Variants in NRXN1 observed in about 807,000 individuals in gnomAD.
NRXN1 encodes the protein neurexin 1, also known as neurexin-1.
In NRXN1, 39 loss-of-function variants were observed where a neutral mutation model predicts 150.9. That is an observed-to-expected ratio of 0.26 (90% confidence interval 0.20 to 0.34). The LOEUF (loss-of-function observed/expected upper bound fraction) is 0.34, where lower values mean the gene tolerates loss of function less well. Among genes scored for constraint, NRXN1 ranks in the 10% least tolerant of loss-of-function variants. NRXN1 has a pLI of 1.00. For synonymous variants in NRXN1, 924 were observed against 757.0 expected, an observed-to-expected ratio of 1.22 and a Z score of -3.62; for missense variants, 1,815 against 1,949.9, an observed-to-expected ratio of 0.93 and a Z score of 1.30.
chr2:50,195,581 A>C (rs964721168), intron 18 of NRXN1, among the ~76,000 whole-genome samples: 3 of 152,156 alleles, frequency 2.0e-5, no homozygotes, highest in Admixed American at 6.6e-5. Flanking sequence ...TCATGGGAAA[A>C]AATAATCTTA....
intron 5 of NRXN1, among the ~76,000 whole-genome samples, chr2:50,753,215 G>T (rs1489568019): frequency 6.6e-6 from 1 of 151,696 alleles, no homozygotes; most frequent in African/African-American, 2.4e-5. Flanking sequence ...TTCTATTAGG[G>T]TTTTCAATAT....
intron 18 of NRXN1, among the ~76,000 whole-genome samples, chr2:50,095,464 C>G (rs925117674): frequency 2.6e-5 from 4 of 152,022 alleles, no homozygotes; most frequent in African/African-American, 9.7e-5. Flanking sequence ...CAGTTTCCTA[C>G]TTATTATGAA....
chr2:50,756,562 G>A (rs1029861239), intron 5 of NRXN1, among the ~76,000 whole-genome samples: 3 of 151,720 alleles, frequency 2.0e-5, no homozygotes, highest in Non-Finnish European at 2.9e-5. Context: ...AAAAAGCAGC[G>A]ACTGCATTTT....
chr2:50,728,248 A>G (rs1193280059), intron 5 of NRXN1, among the ~76,000 whole-genome samples: 2 of 152,096 alleles, frequency 1.3e-5, no homozygotes, highest in South Asian at 2.1e-4. Flanking sequence ...TTTGGCCTAC[A>G]TTGTTTCAGA....
intron 5 of NRXN1, among the ~76,000 whole-genome samples, chr2:50,716,811 T>C (rs1695923321): frequency 6.6e-6 from 1 of 152,198 alleles, no homozygotes; most frequent in South Asian, 2.1e-4. Flanking sequence ...TCTTTTGAAC[T>C]CCTTAACTGC....
chr2:50,502,039 T>C (rs867287348), intron 13 of NRXN1, among the ~76,000 whole-genome samples: 1 of 152,196 alleles, frequency 6.6e-6, no homozygotes, highest in South Asian at 2.1e-4. Flanking sequence ...GATTTATGGG[T>C]GGCTTCAAGT....
intron 5 of NRXN1, among the ~76,000 whole-genome samples, chr2:50,681,565 A>C (rs895762000): frequency 1.3e-5 from 2 of 152,168 alleles, no homozygotes; most frequent in Admixed American, 6.5e-5. Flanking sequence ...ATTTTAGTAA[A>C]TACTAATGAG....
At chr2:50,490,731 G>T (rs1342395812) in intron 15 of NRXN1, among the ~76,000 whole-genome samples, 2 of 152,134 alleles carry the variant, frequency 1.3e-5, no homozygotes, top group Non-Finnish European at 1.5e-5. Context: ...TCACGGTGGG[G>T]CAATGGATTA....
intron 3 of NRXN1, among the ~76,000 whole-genome samples, chr2:50,925,070 G>A (rs1198867358): frequency 6.6e-6 from 1 of 151,676 alleles, no homozygotes; most frequent in Non-Finnish European, 1.5e-5. Flanking sequence ...CTTTATGTAG[G>A]AACTGTTAAT....
intron 21 of NRXN1, among the ~76,000 whole-genome samples, chr2:50,045,811 C>T (rs187644957): frequency 1.3e-5 from 2 of 152,196 alleles, no homozygotes; most frequent in Admixed American, 1.3e-4. Context: ...CCACTGAAAT[C>T]ACTGTCATGT....
At chr2:49,958,971 T>C (rs1342301091) in intron 21 of NRXN1, among the ~76,000 whole-genome samples, 1 of 152,170 alleles carries the variant, frequency 6.6e-6, no homozygotes, top group African/African-American at 2.4e-5. Context: ...AAAGCCCAGG[T>C]GCATGAGAGC....
intron 5 of NRXN1, among the ~76,000 whole-genome samples, chr2:50,654,971 C>T (rs1686205618): frequency 6.6e-6 from 1 of 151,898 alleles, no homozygotes; most frequent in South Asian, 2.1e-4. Context: ...AAGAGGAGAA[C>T]AAAGCAAGGA....
At chr2:50,220,949 A>T (rs957371275) in intron 18 of NRXN1, among the ~76,000 whole-genome samples, 5 of 151,990 alleles carry the variant, frequency 3.3e-5, no homozygotes, top group Non-Finnish European at 7.4e-5. Flanking sequence ...TGCCCACCAT[A>T]TAACTGATAC....
intron 15 of NRXN1, among the ~76,000 whole-genome samples, chr2:50,478,220 T>A (rs2104758750): frequency 6.6e-6 from 1 of 152,306 alleles, no homozygotes; most frequent in African/African-American, 2.4e-5. Context: ...GTTTGCTTTC[T>A]TAGTAGAAAG....
intron 18 of NRXN1, among the ~76,000 whole-genome samples, chr2:50,137,587 C>T (rs1400423749): frequency 1.3e-5 from 2 of 152,016 alleles, no homozygotes; most frequent in East Asian, 3.9e-4. Context: ...AATCTAGAGT[C>T]AGGACAAAAC....
At chr2:50,433,689 G>A (rs1359541316) in intron 17 of NRXN1, among the ~76,000 whole-genome samples, 1 of 151,356 alleles carries the variant, frequency 6.6e-6, no homozygotes, top group African/African-American at 2.4e-5. Context: ...AAAGAAGAAG[G>A]GAGTGAGAAA....
chr2:50,135,821 C>G (rs934301745), intron 18 of NRXN1, among the ~76,000 whole-genome samples: 1 of 152,130 alleles, frequency 6.6e-6, no homozygotes, highest in Non-Finnish European at 1.5e-5. Flanking sequence ...GAGAAGGATT[C>G]GCTAATTGGT....
At chr2:50,979,949 C>A (rs575855895) in intron 2 of NRXN1, among the ~76,000 whole-genome samples, 15 of 152,152 alleles carry the variant, frequency 9.9e-5, no homozygotes, top group African/African-American at 3.4e-4. Context: ...AGTAATATCA[C>A]GTTTGTTCTC....
chr2:50,176,661 A>G (rs2060370806), intron 18 of NRXN1, among the ~76,000 whole-genome samples: 1 of 152,192 alleles, frequency 6.6e-6, no homozygotes, highest in Non-Finnish European at 1.5e-5. Context: ...AAATAGAATG[A>G]CATTAAACTT....
Sources: allele counts gnomAD v4.1 joint callset (sites outside exome capture counted in the v4.1 genomes callset), GRCh38; gene constraint gnomAD v4.1.1; transcripts MANE v1.5; gene names NCBI Gene and HGNC (gene_info 2026-07-23, HGNC 2026-07-21).